Variants in PHF20 observed in about 807,000 individuals in gnomAD.
PHF20 encodes PHD finger protein 20.
In PHF20, 23 loss-of-function variants were observed where a neutral mutation model predicts 113.5. The observed-to-expected ratio is 0.20, with a 90% CI of 0.15 to 0.29. PHF20 has a LOEUF of 0.29. Among genes scored for constraint, PHF20 ranks in the 10% least tolerant of loss-of-function variants. The pLI is 1.00. For missense variants in PHF20, 943 were observed against 1,219.6 expected (o/e 0.77, Z 3.38); for synonymous variants, 434 against 457.3 (o/e 0.95, Z 0.65).
chr20:35,940,198 G>A (rs981723753), intron 16 of PHF20, among the ~76,000 whole-genome samples: 1 of 152,106 alleles, frequency 6.6e-6, no homozygotes, highest in African/African-American at 2.4e-5. Context: ...ATGAATGAAA[G>A]GTTGAGTTAC....
intron 2 of PHF20, 51 bp from the exon 3 acceptor site, chr20:35,842,522 A>G (rs1394075955): frequency 2.7e-6 from 4 of 1,472,658 alleles, no homozygotes; most frequent in Non-Finnish European, 3.7e-6. Context: ...GGATATTTGG[A>G]TATTTGGGGT....
At chr20:35,788,678 A>G (rs2041476246) in intron 1 of PHF20, among the ~76,000 whole-genome samples, 1 of 151,150 alleles carries the variant, frequency 6.6e-6, no homozygotes, top group Non-Finnish European at 1.5e-5. Context: ...CCCATGTTCA[A>G]GCGTTTCTCC....
rs1382349402 is a variant in PHF20, at chr20:35,915,430, A to G, written c.1825+1233A>G. 4.6e-5 allele frequency among the ~76,000 whole-genome samples: 7 copies of G among 152,008 alleles called. No individual in the cohort carries two copies. In the East Asian group the frequency reaches 1.3e-3, roughly 29 times the overall value. On this transcript the variant is annotated intron_variant, in intron 12 of 17. Coordinates refer to ENST00000374012, the MANE Select transcript of PHF20 (RefSeq NM_016436.5). ...GAGACAGAGTCTCACTCTGTTGCCC[A>G]GGCTGGAGTGCAGTGGCGCGATCTT...
chr20:35,783,397 T>C (rs1186980281), intron 1 of PHF20, among the ~76,000 whole-genome samples: 1 of 151,904 alleles, frequency 6.6e-6, no homozygotes, highest in African/African-American at 2.4e-5. Flanking sequence ...CAGTAGTGTA[T>C]GCCAAAGAAA....
chr20:35,836,678 A>G lies in PHF20; in HGVS notation c.84-5895A>G, dbSNP rs949083618. ...GCTAACACGGTGAAACCCCATTTCT[A>G]CTAAAAATACAAAAAATTAGCCGGG... is the stretch of plus-strand genomic sequence containing the variant. On this transcript the variant is annotated intron_variant, in intron 2 of 17. Coordinates refer to ENST00000374012, the MANE Select transcript of PHF20 (RefSeq NM_016436.5). 2.6e-5 allele frequency among the ~76,000 whole-genome samples: 4 copies of G among 151,826 alleles called. No individual in the cohort carries two copies. In the East Asian group the frequency reaches 7.8e-4, roughly 30 times the overall value.
intron 1 of PHF20, among the ~76,000 whole-genome samples, chr20:35,779,546 C>T (rs1158990649): frequency 2.7e-5 from 4 of 147,070 alleles, no homozygotes; most frequent in African/African-American, 7.6e-5. Flanking sequence ...TTTGTTGAGG[C>T]GGAGTCTCAC....
chr20:35,781,937 G>T (rs2041306353), intron 1 of PHF20, among the ~76,000 whole-genome samples: 1 of 150,356 alleles, frequency 6.7e-6, no homozygotes, highest in Non-Finnish European at 1.5e-5. Flanking sequence ...GACAGAGCGA[G>T]ACTCCATCTC....
chr20:35,816,520 G>A (rs1329793985), intron 2 of PHF20, among the ~76,000 whole-genome samples: 4 of 149,686 alleles, frequency 2.7e-5, no homozygotes, highest in African/African-American at 7.4e-5. Flanking sequence ...CGCAATCTCC[G>A]GTCACTGCAA....
At chr20:35,925,614 A>G (rs1445714463) in intron 13 of PHF20, among the ~76,000 whole-genome samples, 1 of 151,796 alleles carries the variant, frequency 6.6e-6, no homozygotes, top group Non-Finnish European at 1.5e-5. Context: ...ATTGATATCC[A>G]TATGTTAACT....
chr20:35,816,894 C>G (rs543712226), intron 2 of PHF20, among the ~76,000 whole-genome samples: 1 of 150,366 alleles, frequency 6.7e-6, no homozygotes, highest in Non-Finnish European at 1.5e-5. Context: ...TGGGTTCTAG[C>G]GATTCTCTTG....
chr20:35,811,408 G>T (rs989770683), intron 2 of PHF20, among the ~76,000 whole-genome samples: 2 of 148,650 alleles, frequency 1.3e-5, no homozygotes, highest in African/African-American at 2.5e-5. Flanking sequence ...TGAATTATTT[G>T]TTCTTATTTT....
intron 2 of PHF20, among the ~76,000 whole-genome samples, chr20:35,814,436 C>T (rs931566424): frequency 2.0e-5 from 3 of 151,416 alleles, no homozygotes; most frequent in Non-Finnish European, 4.4e-5. Context: ...AGGCTGGTCT[C>T]GAACTCCTGA....
intron 16 of PHF20, among the ~76,000 whole-genome samples, chr20:35,939,579 T>G (rs2055937225): frequency 6.6e-6 from 1 of 152,234 alleles, no homozygotes; most frequent in African/African-American, 2.4e-5. Context: ...AATGGTACAC[T>G]TTGTCAAAAT....
At chr20:35,911,081 C>T (rs2055291544) in intron 10 of PHF20, among the ~76,000 whole-genome samples, 1 of 152,234 alleles carries the variant, frequency 6.6e-6, no homozygotes, top group African/African-American at 2.4e-5. Context: ...TGCACTGTCG[C>T]CCAGGCTGGA....
intron 2 of PHF20, among the ~76,000 whole-genome samples, chr20:35,827,100 C>T (rs778478252): frequency 1.3e-5 from 2 of 152,138 alleles, no homozygotes; most frequent in South Asian, 4.1e-4. Context: ...GTGCCCTGAG[C>T]CAGGAATAGA....
intron 2 of PHF20, among the ~76,000 whole-genome samples, chr20:35,828,224 A>G (rs1208114299): frequency 6.6e-6 from 1 of 151,928 alleles, no homozygotes; most frequent in Admixed American, 6.6e-5. Context: ...GAGTTTCTCC[A>G]TTTTAGTCAG....
rs147540049 is a variant in PHF20, at chr20:35,794,115, A to G, written c.-32-7376A>G. Among the ~76,000 whole-genome samples the G allele has an allele frequency of 3.8e-3, 580 of 151,908 alleles. 6 individuals carry two copies. The highest frequency in any genetic ancestry group is 0.014 in the African/African-American group (569 of 41,442). On this transcript the variant is annotated intron_variant, in intron 1 of 17. Coordinates refer to ENST00000374012, the MANE Select transcript of PHF20 (RefSeq NM_016436.5). ...CAGGAGTTCGAGACCAGCCTGACCAATATGGAGAAACCCCTTCTCTGCTAA... is the reference window on the plus strand; with the variant it reads ...CAGGAGTTCGAGACCAGCCTGACCAGTATGGAGAAACCCCTTCTCTGCTAA...
intron 2 of PHF20, 36 bp from the exon 3 acceptor site, chr20:35,842,537 A>G (rs1352477955): frequency 6.3e-7 from 1 of 1,580,008 alleles, no homozygotes; most frequent in East Asian, 2.2e-5. Context: ...TGGGGTGGGT[A>G]TTAAAGGAAT....
chr20:35,856,039 C>G (rs900375631), intron 4 of PHF20, among the ~76,000 whole-genome samples: 1 of 152,118 alleles, frequency 6.6e-6, no homozygotes, highest in Non-Finnish European at 1.5e-5. Context: ...CTAGCAAATA[C>G]TAGATCTTAC....
Sources: gnomAD v4.1 joint callset for allele counts (sites outside exome capture counted in the v4.1 genomes callset) on GRCh38, gnomAD v4.1.1 for gene constraint, MANE v1.5 for transcripts, NCBI Gene and HGNC (gene_info 2026-07-23, HGNC 2026-07-21) for gene names.